Variants in MAGI2 observed in about 807,000 individuals in gnomAD.
MAGI2 encodes the protein membrane-associated guanylate kinase, WW and PDZ domain-containing protein 2.
Under a neutral mutation model 133.3 loss-of-function variants are expected in MAGI2, and 35 were observed. That is an observed-to-expected ratio of 0.26 (90% CI 0.20 to 0.35). The LOEUF (loss-of-function observed/expected upper bound fraction) is 0.35, where lower values mean the gene tolerates loss of function less well. MAGI2 is among the 10% of genes least tolerant of loss of function. The pLI is 1.00. For missense variants in MAGI2, 1,636 were observed against 1,863.4 expected, an observed-to-expected ratio of 0.88 and a Z score of 2.25; for synonymous variants, 729 against 710.6, an observed-to-expected ratio of 1.03 and a Z score of -0.41.
At chr7:78,884,915 A>G (rs1369260262) in intron 2 of MAGI2, among the ~76,000 whole-genome samples, 1 of 152,226 alleles carries the variant, frequency 6.6e-6, no homozygotes, top group African/African-American at 2.4e-5. Flanking sequence ...ACATGGAATC[A>G]ACCTAGGTGC....
intron 1 of MAGI2, among the ~76,000 whole-genome samples, chr7:79,221,432 C>A (rs1045780991): frequency 6.6e-6 from 1 of 151,832 alleles, no homozygotes. Context: ...AGACAGGGTG[C>A]GGTTTATGGT....
chr7:79,287,308 G>A (rs548692985), intron 1 of MAGI2, among the ~76,000 whole-genome samples: 1 of 152,002 alleles, frequency 6.6e-6, no homozygotes, highest in South Asian at 2.1e-4. Context: ...CCCTCCGCAG[G>A]GCTTCTATAT....
rs1055744612 is a variant in MAGI2 at position 78,398,908 on chromosome 7, A to T, written c.1046-29695T>A. 3.3e-5 allele frequency among the ~76,000 whole-genome samples: 5 copies of T among 152,210 alleles called. No individual in the cohort carries two copies. The East Asian group carries it at 9.7e-4, about 29-fold the overall frequency. ...GAATAAAGTCTTCCTTGCCCGTTTA[A>T]TTGTAAACTCCACCCAGTGCAAATT... On this transcript the variant is annotated intron_variant, in intron 6 of 21. Transcript: ENST00000354212.
chr7:78,795,675 A>G (rs1787543521), intron 2 of MAGI2, among the ~76,000 whole-genome samples: 1 of 152,076 alleles, frequency 6.6e-6, no homozygotes, highest in Non-Finnish European at 1.5e-5. Flanking sequence ...CGGAATCACA[A>G]AAGGCTCCAA....
chr7:78,659,829 A>G (rs1443951552), intron 2 of MAGI2, among the ~76,000 whole-genome samples: 7 of 152,168 alleles, frequency 4.6e-5, no homozygotes, highest in Non-Finnish European at 8.8e-5. Flanking sequence ...ATGATGTCAT[A>G]CAACTACATG....
chr7:78,176,670 T>G (rs1218125994), intron 14 of MAGI2, among the ~76,000 whole-genome samples: 1 of 151,962 alleles, frequency 6.6e-6, no homozygotes, highest in African/African-American at 2.4e-5. Flanking sequence ...TCTGCCCAGG[T>G]TTTATTTTTA....
chr7:78,125,312 A>G (rs925121593), intron 20 of MAGI2, among the ~76,000 whole-genome samples: 1 of 152,232 alleles, frequency 6.6e-6, no homozygotes, highest in Non-Finnish European at 1.5e-5. Context: ...TGATTAATCA[A>G]TATGGGGGAA....
chr7:78,344,599 T>C lies in MAGI2; in HGVS notation c.1226-639A>G, dbSNP rs569776808. Among the ~76,000 whole-genome samples the C allele has an allele frequency of 3.3e-5, 5 of 152,366 alleles. 1 individual carries two copies. In the South Asian group the frequency reaches 1.0e-3, roughly 32 times the overall value. Reference sequence around the variant, plus strand: ...TTGTTTACACTGCTCTATTGTGAGATACTATAAAGATAACCAGATAAATAA... The same window carrying C: ...TTGTTTACACTGCTCTATTGTGAGACACTATAAAGATAACCAGATAAATAA... On this transcript the variant is annotated intron_variant, in intron 8 of 21. Coordinates refer to ENST00000354212, the MANE Select transcript of MAGI2 (RefSeq NM_012301.4).
At chr7:78,665,352 AATG>A (rs1278319705) in intron 2 of MAGI2, among the ~76,000 whole-genome samples, 1 of 152,202 alleles carries the variant, frequency 6.6e-6, no homozygotes, top group Non-Finnish European at 1.5e-5. Context: ...ACTCTTTAAC[AATG>A]GATAATGAAC....
intron 2 of MAGI2, among the ~76,000 whole-genome samples, chr7:78,874,506 T>C (rs912535358): frequency 2.6e-5 from 4 of 152,302 alleles, no homozygotes; most frequent in Admixed American, 1.3e-4. Flanking sequence ...AAAAACTGAT[T>C]TCCTGTATGT....
intron 1 of MAGI2, among the ~76,000 whole-genome samples, chr7:79,333,869 ATTC>A (rs1210722689): frequency 6.6e-6 from 1 of 152,206 alleles, no homozygotes; most frequent in Non-Finnish European, 1.5e-5. Context: ...AGGTCACTGT[ATTC>A]TTCTAGGAAT....
intron 20 of MAGI2, among the ~76,000 whole-genome samples, chr7:78,110,568 GC>G (rs1227849213): frequency 6.6e-6 from 1 of 152,202 alleles, no homozygotes; most frequent in African/African-American, 2.4e-5. Context: ...TGGGAATTGT[GC>G]TGTTTTATTA....
chr7:79,091,194 T>C (rs1310142118), intron 1 of MAGI2, among the ~76,000 whole-genome samples: 1 of 152,122 alleles, frequency 6.6e-6, no homozygotes, highest in Admixed American at 6.6e-5. Context: ...TTACGTTGTC[T>C]CTCAAGCTCC....
intron 2 of MAGI2, among the ~76,000 whole-genome samples, chr7:78,885,628 A>AGTGTGTGT (rs61111430): frequency 0.039 from 5,733 of 148,870 alleles, 351 homozygotes; most frequent in East Asian, 0.27. Context: ...TGAAAGGAAT[A>AGTGTGTGT]GTGTGTGTGT....
At chr7:78,301,477 C>T (rs190468333) in intron 9 of MAGI2, among the ~76,000 whole-genome samples, 13 of 152,286 alleles carry the variant, frequency 8.5e-5, no homozygotes, top group African/African-American at 2.9e-4. Flanking sequence ...ACTCAGGCGA[C>T]ACAAGAACCA....
chr7:78,348,760 C>A (rs894671616), intron 7 of MAGI2, among the ~76,000 whole-genome samples: 3 of 152,154 alleles, frequency 2.0e-5, no homozygotes, highest in Non-Finnish European at 4.4e-5. Context: ...TCCACTTCAT[C>A]ATTAAGAAGA....
chr7:78,760,529 A>G (rs544348749), intron 2 of MAGI2, among the ~76,000 whole-genome samples: 1 of 152,062 alleles, frequency 6.6e-6, no homozygotes, highest in South Asian at 2.1e-4. Context: ...TACCTGGCTA[A>G]TTTTTGTATT....
intron 1 of MAGI2, among the ~76,000 whole-genome samples, chr7:79,226,684 C>A (rs1830889226): frequency 6.6e-6 from 1 of 151,870 alleles, no homozygotes; most frequent in South Asian, 2.1e-4. Context: ...TTTTAGTTAC[C>A]AAGGATCAAT....
chr7:79,398,630 A>G (rs1845226270), intron 1 of MAGI2, among the ~76,000 whole-genome samples: 1 of 152,226 alleles, frequency 6.6e-6, no homozygotes, highest in Non-Finnish European at 1.5e-5. Flanking sequence ...AATTACTTTC[A>G]TACCAGGAAA....
Sources: allele counts gnomAD v4.1 joint callset (sites outside exome capture counted in the v4.1 genomes callset), GRCh38; gene constraint gnomAD v4.1.1; transcripts MANE v1.5; gene names NCBI Gene and HGNC (gene_info 2026-07-23, HGNC 2026-07-21).